The following LGSN variants were observed in gnomAD, a reference collection of about 807,000 sequenced individuals.
The protein encoded by LGSN is lengsin, lens protein with glutamine synthetase domain.
Under a neutral mutation model 19.5 loss-of-function variants are expected in LGSN, and 21 were observed. The observed-to-expected ratio is 1.07, with a 90% CI of 0.76 to 1.55. LGSN has a LOEUF of 1.55. LGSN is among the 40% of genes most tolerant of loss of function. The probability of loss-of-function intolerance (pLI) is 0.00; values close to 1 mark genes in which losing one functional copy is unlikely to be tolerated. For synonymous variants in LGSN, 257 were observed against 215.6 expected, an observed-to-expected ratio of 1.19 and a Z score of -1.68; for missense variants, 673 against 608.5, an observed-to-expected ratio of 1.11 and a Z score of -1.12.
the LGSN span, among the ~76,000 whole-genome samples, chr6:63,410,922 T>G: frequency 6.6e-6 from 1 of 152,146 alleles, no homozygotes; most frequent in Non-Finnish European, 1.5e-5. Context: ...TTTTTCCAAT[T>G]CCTAAGCAAC....
the LGSN span, among the ~76,000 whole-genome samples, chr6:63,497,918 C>CTTTTTTTTTTT: frequency 6.8e-3 from 826 of 121,800 alleles, 37 homozygotes; most frequent in African/African-American, 0.012. Context: ...TGTCATGTTT[C>CTTTTTTTTTTT]TTTTTTTTTT....
Position 63,279,837 on chromosome 6 carries a change from A to T in LGSN, c.*184T>A. The T allele has an allele frequency of 1.9e-6, 1 of 536,148 alleles. No individual in the cohort carries two copies. Among genetic ancestry groups the T allele is most frequent in the East Asian group, 3.2e-5 (1 of 30,948 alleles). The allele number at this position is 536,148 out of a possible 1,614,324, so 33.2% of individuals were successfully genotyped here. On this transcript the variant is annotated 3_prime_UTR_variant, in exon 4 of 4. Transcript: ENST00000370657. ...CACAACTTTGTTGTTTGTTTCTGTTATCAGAATCTTCTCAGCAGTCCTACT... is the reference window on the plus strand; with the variant it reads ...CACAACTTTGTTGTTTGTTTCTGTTTTCAGAATCTTCTCAGCAGTCCTACT...
At chr6:63,412,505 A>AGAAAGAAAGAAAGAAGGAAG in the LGSN span, among the ~76,000 whole-genome samples, 1 of 113,268 alleles carries the variant, frequency 8.8e-6, no homozygotes, top group East Asian at 2.5e-4. Flanking sequence ...AAAGAAAGAA[A>AGAAAGAAAGAAAGAAGGAAG]GAAAGAAAGA....
intron 2 of LGSN, among the ~76,000 whole-genome samples, chr6:63,286,804 A>G (rs1040058538): frequency 6.6e-6 from 1 of 152,178 alleles, no homozygotes; most frequent in African/African-American, 2.4e-5. Context: ...CAACAATCTT[A>G]TCCTTTTTAT....
chr6:63,418,042 A>G, the LGSN span, among the ~76,000 whole-genome samples: 19 of 152,310 alleles, frequency 1.2e-4, no homozygotes, highest in African/African-American at 4.3e-4. Flanking sequence ...CTGGAAACAC[A>G]TGATTACAGT....
chr6:63,319,693 G>A, intron 1 of LGSN, among the ~76,000 whole-genome samples: 1 of 152,068 alleles, frequency 6.6e-6, no homozygotes. Context: ...AACCAAATGA[G>A]CTTTCCTAGA....
intron 1 of LGSN, among the ~76,000 whole-genome samples, chr6:63,308,100 C>G (rs777557761): frequency 6.6e-6 from 1 of 152,186 alleles, no homozygotes; most frequent in Admixed American, 6.5e-5. Context: ...TACAGATATG[C>G]AGTTTCATTT....
the LGSN span, among the ~76,000 whole-genome samples, chr6:63,445,037 C>T: frequency 2.9e-4 from 44 of 152,312 alleles, no homozygotes; most frequent in East Asian, 4.4e-3. Flanking sequence ...CATAGCCTGG[C>T]GCGGTGGCTT....
At chr6:63,431,303 T>C in the LGSN span, among the ~76,000 whole-genome samples, 23 of 152,342 alleles carry the variant, frequency 1.5e-4, no homozygotes, top group Non-Finnish European at 2.8e-4. Flanking sequence ...CCAATGTACC[T>C]GACTGGGTTC....
chr6:63,371,799 C>T, the LGSN span, among the ~76,000 whole-genome samples: 1 of 152,182 alleles, frequency 6.6e-6, no homozygotes, highest in Non-Finnish European at 1.5e-5. Flanking sequence ...TGTAATTTCT[C>T]AGGTGTGGGC....
At chr6:63,548,990 C>T in the LGSN span, 1 of 732,232 alleles carries the variant, frequency 1.4e-6, no homozygotes, top group Non-Finnish European at 2.5e-6. Context: ...TTTTATGACA[C>T]AGGGCAGGCA....
the LGSN span, among the ~76,000 whole-genome samples, chr6:63,525,238 T>C: frequency 3.9e-5 from 6 of 152,158 alleles, no homozygotes; most frequent in African/African-American, 1.2e-4. Flanking sequence ...TGCTAGTTAT[T>C]AGTACTCTTT....
the LGSN span, among the ~76,000 whole-genome samples, chr6:63,471,951 A>T: frequency 6.6e-6 from 1 of 152,164 alleles, no homozygotes; most frequent in African/African-American, 2.4e-5. Context: ...GTGGCTGTCT[A>T]CAAGCAGGAA....
chr6:63,493,802 T>A, the LGSN span, among the ~76,000 whole-genome samples: 4 of 152,126 alleles, frequency 2.6e-5, no homozygotes, highest in Non-Finnish European at 5.9e-5. Flanking sequence ...TCCTCAAGCA[T>A]CCCCTGGGAA....
chr6:63,304,213 C>T (rs1277546895), intron 1 of LGSN, among the ~76,000 whole-genome samples: 1 of 152,208 alleles, frequency 6.6e-6, no homozygotes, highest in Non-Finnish European at 1.5e-5. Context: ...CATCAGTCCA[C>T]TTCTTTTAAC....
chr6:63,500,036 G>C, the LGSN span, among the ~76,000 whole-genome samples: 1 of 152,074 alleles, frequency 6.6e-6, no homozygotes, highest in Non-Finnish European at 1.5e-5. Context: ...TCTGAAAGAG[G>C]CATATTCCTC....
the LGSN span, among the ~76,000 whole-genome samples, chr6:63,384,488 CTT>C: frequency 6.4e-4 from 73 of 114,636 alleles, no homozygotes; most frequent in South Asian, 5.1e-3. Context: ...GAAATAACAC[CTT>C]GTGTGTGTGT....
chr6:63,416,124 G>T, the LGSN span, among the ~76,000 whole-genome samples: 264 of 104,740 alleles, frequency 2.5e-3, 2 homozygotes, highest in African/African-American at 9.6e-3. Flanking sequence ...TTTTTTTTTT[G>T]CTTTTTTTTT....
chr6:63,437,560 C>A, the LGSN span, among the ~76,000 whole-genome samples: 2 of 152,192 alleles, frequency 1.3e-5, no homozygotes, highest in Non-Finnish European at 2.9e-5. Context: ...GAAGCCATAG[C>A]AGGATTCTAT....
Sources: gnomAD v4.1 joint callset for allele counts (sites outside exome capture counted in the v4.1 genomes callset) on GRCh38, gnomAD v4.1.1 for gene constraint, MANE v1.5 for transcripts, NCBI Gene and HGNC (gene_info 2026-07-23, HGNC 2026-07-21) for gene names.